CHMP7: variants seen among roughly 807,000 people sequenced by gnomAD.
CHMP7 encodes charged multivesicular body protein 7.
CHMP7 carries 15 observed loss-of-function variants against 53.7 expected under a neutral mutation model. The observed-to-expected ratio is 0.28, with a 90% CI of 0.19 to 0.43. The LOEUF (loss-of-function observed/expected upper bound fraction) is 0.43. Ranked by LOEUF, CHMP7 falls within the 20% of genes least tolerant of loss-of-function variation. CHMP7 has a pLI of 1.00. For missense variants in CHMP7, 527 were observed against 569.4 expected, an observed-to-expected ratio of 0.93 and a Z score of 0.76; for synonymous variants, 261 against 228.0, an observed-to-expected ratio of 1.14 and a Z score of -1.30.
intron 3 of CHMP7, among the ~76,000 whole-genome samples, chr8:23,252,650 A>G (rs1801978868): frequency 6.6e-6 from 1 of 152,190 alleles, no homozygotes; most frequent in Non-Finnish European, 1.5e-5. Context: ...TTCTGTAGTC[A>G]GATCTCTCAG....
intron 2 of CHMP7, among the ~76,000 whole-genome samples, chr8:23,248,470 C>T (rs1017552598): frequency 6.6e-5 from 10 of 152,184 alleles, no homozygotes; most frequent in Admixed American, 5.9e-4. Context: ...TAGTTAACAG[C>T]TTTTGCTTGA....
chr8:23,259,494 G>A (rs1445872568), intron 9 of CHMP7, among the ~76,000 whole-genome samples: 2 of 152,166 alleles, frequency 1.3e-5, no homozygotes, highest in East Asian at 1.9e-4. Flanking sequence ...CTGAGTAGCT[G>A]GGATTATAGG....
rs1802367904 is a variant in CHMP7 at position 23,261,111 on chromosome 8, G to A, written c.*512G>A. ...TAAAGGTTTTATTTGAGGGGACTTA[G>A]CTGCCATTTTATGGAAAAACATGTA... On this transcript the variant is annotated 3_prime_UTR_variant, in exon 11 of 11. Transcript: ENST00000397677. 6.4e-6 allele frequency: 1 copy of A among 155,918 alleles called. No homozygotes were observed. The highest frequency in any genetic ancestry group is 1.9e-4 in the East Asian group (1 of 5,252). 9.7% of individuals were successfully genotyped at this position (155,918 alleles called of 1,614,324 possible).
At chr8:23,245,186 G>A (rs1206609022) in intron 1 of CHMP7, among the ~76,000 whole-genome samples, 1 of 152,210 alleles carries the variant, frequency 6.6e-6, no homozygotes, top group Non-Finnish European at 1.5e-5. Flanking sequence ...AATGGTGTGA[G>A]CAGACATTCT....
chr8:23,255,889 G>A (rs1802105942), intron 4 of CHMP7, among the ~76,000 whole-genome samples: 1 of 151,228 alleles, frequency 6.6e-6, no homozygotes, highest in Non-Finnish European at 1.5e-5. Flanking sequence ...AGCCTCCCAA[G>A]TAGCTGGAAT....
Position 23,260,254 on chromosome 8 carries a change from G to C in CHMP7, c.1231G>C (p.Val411Leu). Reference sequence around the variant, plus strand: ...CCGCAATAGGCATTTTACCAACAGCGTGCCTAACCCTAGGATCTCAGATGC... The same window carrying C: ...CCGCAATAGGCATTTTACCAACAGCCTGCCTAACCCTAGGATCTCAGATGC... ...NPRNRHFTNS[V>L]PNPRISDAEL... is the part of the protein sequence containing the mutation. The change falls in exon 10 of 11, where the codon GTG becomes CTG. Residue 411 changes from valine (V) to leucine (L), a missense_variant. Physicochemically the swap from Val to Leu is conservative, Grantham distance 32. Coordinates refer to ENST00000397677, the MANE Select transcript of CHMP7 (RefSeq NM_152272.5). 6.2e-7 allele frequency: 1 copy of C among 1,614,178 alleles called. No individual in the cohort carries two copies. Among genetic ancestry groups the C allele is most frequent in the Non-Finnish European group, 8.5e-7 (1 of 1,180,024 alleles).
intron 3 of CHMP7, 190 bp from the exon 4 acceptor site, chr8:23,255,057 C>G (rs781173644): frequency 1.8e-5 from 11 of 624,630 alleles, no homozygotes; most frequent in Non-Finnish European, 3.1e-5. Flanking sequence ...TGTGGAGTCA[C>G]CAAACTTTCC....
chr8:23,258,536 C>G, intron 7 of CHMP7, 87 bp downstream of exon 7: 1 of 1,559,204 alleles, frequency 6.4e-7, no homozygotes, highest in Non-Finnish European at 8.8e-7. Context: ...TTTGGAGGAT[C>G]CCTGGGTTCT....
chr8:23,246,035 T>C (rs1044882732), intron 1 of CHMP7: 2 of 152,262 alleles, frequency 1.3e-5, no homozygotes, highest in South Asian at 2.1e-4. Context: ...ATCAATTTCA[T>C]TGACCTTTTC....
chr8:23,249,390 T>G lies in CHMP7; in HGVS notation c.471+9T>G. The G allele has an allele frequency of 6.3e-7, 1 of 1,586,730 alleles. No homozygotes were observed. On this transcript the variant is annotated intron_variant, in intron 3 of 10. Transcript: ENST00000397677. ...CTGTGGAGCTGTTGAAGGTGGGTAC[T>G]CAGAAGGGGGTGTCTGGGTGTCACC...
chr8:23,254,525 G>A (rs1802050550), intron 3 of CHMP7, among the ~76,000 whole-genome samples: 1 of 151,660 alleles, frequency 6.6e-6, no homozygotes, highest in Non-Finnish European at 1.5e-5. Flanking sequence ...CTCCCAAGTA[G>A]CTGGGATTAC....
Position 23,260,546 on chromosome 8 carries a change from C to T in CHMP7, c.1309C>T (p.Pro437Ser). The T allele has an allele frequency of 6.2e-7, 1 of 1,614,002 alleles. No individual in the cohort carries two copies. The highest frequency in any genetic ancestry group is 8.5e-7 in the Non-Finnish European group (1 of 1,179,908). Residue 437 changes from proline to serine, a missense_variant, in exon 11 of 11, where the codon CCA becomes TCA. Transcript: ENST00000397677. ...KLSLSEGGLV[P>S]SSKSPKRQLE... Reference sequence around the variant, plus strand: ...ATTTCTTTGCCTTGCAGGTTTGGTCCCAAGCAGTAAATCTCCAAAAAGGCA... The same window carrying T: ...ATTTCTTTGCCTTGCAGGTTTGGTCTCAAGCAGTAAATCTCCAAAAAGGCA...
Position 23,260,524 on chromosome 8 carries a change from T to C in CHMP7, c.1301-14T>C. ...TTTCCTGTTATAGTGTTCAGTCATTTCTTTGCCTTGCAGGTTTGGTCCCAA... is the reference window on the plus strand; with the variant it reads ...TTTCCTGTTATAGTGTTCAGTCATTCCTTTGCCTTGCAGGTTTGGTCCCAA... On this transcript the variant is annotated splice_polypyrimidine_tract_variant and intron_variant, in intron 10 of 10. Transcript: ENST00000397677. The C allele has an allele frequency of 6.2e-7, 1 of 1,613,488 alleles. No individual in the cohort carries two copies. The highest frequency in any genetic ancestry group is 8.5e-7 in the Non-Finnish European group (1 of 1,179,356).
chr8:23,260,025 C>T, intron 9 of CHMP7, 119 bp from the exon 10 acceptor site: 1 of 734,792 alleles, frequency 1.4e-6, no homozygotes, highest in Non-Finnish European at 2.2e-6. Context: ...TTTTTTTAAT[C>T]TGCAAGGAGG....
At chr8:23,256,908 C>G (rs535396948) in intron 5 of CHMP7, among the ~76,000 whole-genome samples, 13 of 151,080 alleles carry the variant, frequency 8.6e-5, no homozygotes, top group South Asian at 2.1e-4. Flanking sequence ...TTTTCCTGCG[C>G]CAGCCTCCCG....
intron 8 of CHMP7, 56 bp downstream of exon 8, chr8:23,258,886 T>G: frequency 8.0e-7 from 1 of 1,257,102 alleles, no homozygotes; most frequent in East Asian, 2.3e-5. Context: ...GAGGACAGAT[T>G]TGACTTCATT....
intron 7 of CHMP7, 92 bp from the exon 8 acceptor site, chr8:23,258,640 C>A: frequency 8.3e-7 from 1 of 1,207,330 alleles, no homozygotes; most frequent in Non-Finnish European, 1.2e-6. Flanking sequence ...CCAAAAAAAA[C>A]ACCCCAAAGC....
At chr8:23,255,189 G>T in intron 3 of CHMP7, 58 bp from the exon 4 acceptor site, 1 of 1,577,556 alleles carries the variant, frequency 6.3e-7, no homozygotes, top group Middle Eastern at 1.9e-4. Flanking sequence ...CAGGGTCAGG[G>T]TCCCTGCATC....
intron 4 of CHMP7, among the ~76,000 whole-genome samples, 180 bp downstream of exon 4, chr8:23,255,612 C>T (rs1802093425): frequency 1.3e-5 from 2 of 152,154 alleles, no homozygotes; most frequent in South Asian, 4.1e-4. Context: ...CAGTTGTGCA[C>T]TGTTCTGAGT....
Sources: gnomAD v4.1 joint callset for allele counts (sites outside exome capture counted in the v4.1 genomes callset) on GRCh38, gnomAD v4.1.1 for gene constraint, MANE v1.5 for transcripts, NCBI Gene and HGNC (gene_info 2026-07-23, HGNC 2026-07-21) for gene names.